ABCA13: variants seen among roughly 807,000 people sequenced by gnomAD.
The protein encoded by ABCA13 is ATP-binding cassette sub-family A member 13.
Under a neutral mutation model 478.7 loss-of-function variants are expected in ABCA13, and 476 were observed. The observed-to-expected ratio is 0.99, with a 90% CI of 0.92 to 1.07. The LOEUF (loss-of-function observed/expected upper bound fraction) is 1.07, where lower values mean the gene tolerates loss of function less well. ABCA13 is among the 50% of genes least tolerant of loss of function. The probability of loss-of-function intolerance (pLI) is 0.00; values close to 1 mark genes in which losing one functional copy is unlikely to be tolerated. For synonymous variants in ABCA13, 2,252 were observed against 2,158.9 expected (o/e 1.04, Z -1.20); for missense variants, 6,060 against 5,910.6 (o/e 1.03, Z -0.83).
chr7:48,346,238 T>C (rs2128970368), intron 29 of ABCA13, among the ~76,000 whole-genome samples: 1 of 152,302 alleles, frequency 6.6e-6, no homozygotes, highest in Non-Finnish European at 1.5e-5. Context: ...CCCAATTATA[T>C]GCATGATAAG....
At position 48,565,116 on chromosome 7, in the gene ABCA13, A is replaced by G. The variant is rs182794731; in HGVS notation, c.14355-15108A>G. ...AACATAAGCCACCATTTGTTCTTTA[A>G]AAACATGTCTTTGATATATTAGTCT... On this transcript the variant is annotated intron_variant, in intron 55 of 61. Coordinates refer to ENST00000435803, the MANE Select transcript of ABCA13 (RefSeq NM_152701.5). Among the ~76,000 whole-genome samples the G allele has an allele frequency of 1.1e-4, 16 of 152,216 alleles. 1 individual carries two copies. The East Asian group carries it at 3.1e-3, about 29-fold the overall frequency.
At chr7:48,288,650 T>C (rs1798090887) in intron 20 of ABCA13, among the ~76,000 whole-genome samples, 2 of 149,640 alleles carry the variant, frequency 1.3e-5, no homozygotes, top group East Asian at 2.0e-4. Flanking sequence ...ATTTTTTTTT[T>C]CTGGAGAGTT....
At chr7:48,420,547 C>G (rs1820605088) in intron 41 of ABCA13, among the ~76,000 whole-genome samples, 1 of 152,108 alleles carries the variant, frequency 6.6e-6, no homozygotes, top group Non-Finnish European at 1.5e-5. Context: ...TTTAGAAATG[C>G]TGGTGAGCCT....
chr7:48,582,680 G>T (rs1289842714), intron 56 of ABCA13, among the ~76,000 whole-genome samples: 1 of 152,100 alleles, frequency 6.6e-6, no homozygotes, highest in Admixed American at 6.5e-5. Context: ...CCATGCCATG[G>T]CTGAGCCAGT....
intron 58 of ABCA13, among the ~76,000 whole-genome samples, chr7:48,609,665 T>C (rs1791823990): frequency 6.6e-6 from 1 of 152,178 alleles, no homozygotes; most frequent in African/African-American, 2.4e-5. Context: ...ATATAACTCC[T>C]GAAATATCTG....
intron 38 of ABCA13, among the ~76,000 whole-genome samples, chr7:48,400,226 A>T (rs1287373619): frequency 6.6e-6 from 1 of 152,124 alleles, no homozygotes; most frequent in Non-Finnish European, 1.5e-5. Context: ...TGTCTTTTCC[A>T]CTAGACCTTG....
intron 31 of ABCA13, among the ~76,000 whole-genome samples, chr7:48,361,819 C>T (rs926585766): frequency 6.6e-6 from 1 of 151,612 alleles, no homozygotes; most frequent in Non-Finnish European, 1.5e-5. Context: ...TTTTAATTTC[C>T]AGGTGAAAAT....
Position 48,367,800 on chromosome 7 carries a change from G to T in ABCA13, c.10695G>T (p.Leu3565=). ...CTGAATTATCCCCTTACAGATTCCTGAACAACGTTGGTTTCTTTTTTCCAC... is the reference window on the plus strand; with the variant it reads ...CTGAATTATCCCCTTACAGATTCCTTAACAACGTTGGTTTCTTTTTTCCAC... ...PYPCHTSDLF[L]NNVGFFFPLI... The change falls in exon 32 of 62, where the codon CTG becomes CTT. Residue 3565 remains leucine (L), a synonymous_variant. Coordinates refer to ENST00000435803, the MANE Select transcript of ABCA13 (RefSeq NM_152701.5). 2 of 1,561,554 alleles carry T rather than the reference G, an allele frequency of 1.3e-6. No individual in the cohort carries two copies. The highest frequency in any genetic ancestry group is 2.4e-5 in the South Asian group (2 of 84,634).
chr7:48,216,574 G>T (rs1786513974), intron 3 of ABCA13, among the ~76,000 whole-genome samples: 1 of 152,046 alleles, frequency 6.6e-6, no homozygotes, highest in Non-Finnish European at 1.5e-5. Context: ...TGTTTTTGAA[G>T]TAAAAGTTTT....
Position 48,258,044 on chromosome 7 carries a change from C to G in ABCA13, c.2005+8693C>G, listed in dbSNP as rs142559096. 2.2e-3 allele frequency among the ~76,000 whole-genome samples: 328 copies of G among 152,278 alleles called. 1 individual carries two copies. Among genetic ancestry groups the G allele is most frequent in the African/African-American group, 7.5e-3 (312 of 41,562 alleles). On this transcript the variant is annotated intron_variant, in intron 15 of 61. Transcript: ENST00000435803. ...GGTCAAGCAACCCTCCTGCCTCAAC[C>G]TCCCTAGTATCTGGAACTACAGGCA...
chr7:48,183,184 T>A (rs1273008188), intron 1 of ABCA13, among the ~76,000 whole-genome samples: 1 of 152,208 alleles, frequency 6.6e-6, no homozygotes, highest in Non-Finnish European at 1.5e-5. Flanking sequence ...AGGCTCTCTT[T>A]CTTTCTTATT....
intron 27 of ABCA13, among the ~76,000 whole-genome samples, chr7:48,322,604 A>G (rs1488927933): frequency 6.6e-6 from 1 of 152,128 alleles, no homozygotes; most frequent in Admixed American, 6.5e-5. Flanking sequence ...CTCCAGTTCC[A>G]GCTGTGGGGG....
At chr7:48,589,682 T>C (rs1289190489) in intron 57 of ABCA13, among the ~76,000 whole-genome samples, 1 of 152,164 alleles carries the variant, frequency 6.6e-6, no homozygotes, top group East Asian at 1.9e-4. Flanking sequence ...GGATAATTTA[T>C]AAAGAACAGA....
At chr7:48,488,930 GA>G (rs945944683) in intron 47 of ABCA13, among the ~76,000 whole-genome samples, 14 of 149,486 alleles carry the variant, frequency 9.4e-5, no homozygotes, top group African/African-American at 2.0e-4. Flanking sequence ...AACTGAGAAA[GA>G]AAAAAAAATG....
At chr7:48,303,454 T>A in intron 23 of ABCA13, among the ~76,000 whole-genome samples, 1 of 152,100 alleles carries the variant, frequency 6.6e-6, no homozygotes, top group South Asian at 2.1e-4. Context: ...TCTTCCAGGG[T>A]TTTTATAGTT....
chr7:48,392,171 G>A, intron 38 of ABCA13, 32 bp downstream of exon 38: 1 of 1,590,288 alleles, frequency 6.3e-7, no homozygotes, highest in Non-Finnish European at 8.6e-7. Context: ...TGCTCCTCCT[G>A]CCTCTGCCCA....
At chr7:48,278,024 G>A (rs767321949) in intron 17 of ABCA13, 70 bp from the exon 18 acceptor site, 1 of 498,338 alleles carries the variant, frequency 2.0e-6, no homozygotes, top group East Asian at 5.3e-5. Context: ...AAATCACTAT[G>A]TATCTTAATA....
chr7:48,544,138 A>G (rs149933806), intron 55 of ABCA13, among the ~76,000 whole-genome samples: 151 of 151,836 alleles, frequency 9.9e-4, no homozygotes, highest in African/African-American at 3.3e-3. Flanking sequence ...TCATTACTAG[A>G]TAAGAATTAT....
At chr7:48,568,536 T>G (rs1485741843) in intron 55 of ABCA13, among the ~76,000 whole-genome samples, 1 of 152,034 alleles carries the variant, frequency 6.6e-6, no homozygotes, top group African/African-American at 2.4e-5. Flanking sequence ...CTGTTGAGGA[T>G]TTTTAAACAT....
Sources: allele counts gnomAD v4.1 joint callset (sites outside exome capture counted in the v4.1 genomes callset), GRCh38; gene constraint gnomAD v4.1.1; transcripts MANE v1.5; gene names NCBI Gene and HGNC (gene_info 2026-07-23, HGNC 2026-07-21).